Variants in EXOC4 observed in about 807,000 individuals in gnomAD.
EXOC4 encodes the protein exocyst complex component 4, also known as SEC8-like 1.
A neutral mutation model predicts 107.2 loss-of-function variants in EXOC4; 71 were observed. The observed-to-expected ratio is 0.66, with a 90% confidence interval of 0.55 to 0.81. The LOEUF is 0.81. Among genes scored for constraint, EXOC4 ranks in the 30% least tolerant of loss-of-function variants. The pLI, the probability that EXOC4 is intolerant of heterozygous loss-of-function variation, is 0.00. For synonymous variants in EXOC4, 456 were observed against 441.2 expected (o/e 1.03, Z -0.42); for missense variants, 1,108 against 1,189.6 (o/e 0.93, Z 1.01).
intron 10 of EXOC4, among the ~76,000 whole-genome samples, chr7:133,729,616 G>A (rs1368922831): frequency 6.6e-6 from 1 of 152,128 alleles, no homozygotes; most frequent in Non-Finnish European, 1.5e-5. Context: ...ATGACTGGAA[G>A]GGAGTGCTTA....
At chr7:133,437,965 C>CT (rs1335167704) in intron 7 of EXOC4, among the ~76,000 whole-genome samples, 1 of 152,264 alleles carries the variant, frequency 6.6e-6, no homozygotes, top group Non-Finnish European at 1.5e-5. Context: ...CTTTGTCCCG[C>CT]TTTTTGGTAA....
chr7:133,941,852 G>T (rs1019212071), intron 14 of EXOC4, among the ~76,000 whole-genome samples: 16 of 44,252 alleles, frequency 3.6e-4, no homozygotes, highest in Admixed American at 6.0e-4. Flanking sequence ...TCTCTCTCTC[G>T]GATCTAAGTT....
chr7:133,300,281 C>CAT (rs903262156), intron 3 of EXOC4, among the ~76,000 whole-genome samples: 13 of 152,316 alleles, frequency 8.5e-5, no homozygotes, highest in Non-Finnish European at 1.5e-5. Flanking sequence ...CTTTGGAACT[C>CAT]TGTCTTCAGT....
At position 133,758,738 on chromosome 7, in the gene EXOC4, G is replaced by A. The variant is rs76897895; in HGVS notation, c.1515-58587G>A. Among the ~76,000 whole-genome samples the A allele has an allele frequency of 2.4e-3, 361 of 152,288 alleles. 5 individuals carry two copies. The highest frequency in any genetic ancestry group is 8.1e-3 in the African/African-American group (338 of 41,556). On this transcript the variant is annotated intron_variant, in intron 10 of 17. Coordinates refer to ENST00000253861, the MANE Select transcript of EXOC4 (RefSeq NM_021807.4). ...TGAAAGTGTGTATGTGTACATCATA[G>A]TTTCATTAATTTTTCTTGCCAGACA... is the stretch of plus-strand genomic sequence containing the variant.
intron 1 of EXOC4, among the ~76,000 whole-genome samples, chr7:133,269,868 A>G (rs1343111558): frequency 6.6e-6 from 1 of 152,218 alleles, no homozygotes; most frequent in East Asian, 1.9e-4. Flanking sequence ...GTTTGAGGTC[A>G]GACTCTGCTC....
chr7:133,608,705 C>T (rs1419031762), intron 9 of EXOC4, among the ~76,000 whole-genome samples: 4 of 151,712 alleles, frequency 2.6e-5, no homozygotes, highest in Non-Finnish European at 4.4e-5. Flanking sequence ...CGTGCCACCA[C>T]GCCCAGCTAA....
chr7:133,879,170 A>G (rs1476959063), intron 11 of EXOC4, among the ~76,000 whole-genome samples: 1 of 152,074 alleles, frequency 6.6e-6, no homozygotes, highest in East Asian at 1.9e-4. Context: ...GTGCAATCAT[A>G]GCTTACCTGG....
At chr7:133,482,304 G>A (rs756268669) in intron 9 of EXOC4, among the ~76,000 whole-genome samples, 17 of 152,052 alleles carry the variant, frequency 1.1e-4, no homozygotes, top group Non-Finnish European at 2.2e-4. Flanking sequence ...GTCGACATCC[G>A]TCAGCACAGT....
At chr7:133,479,911 A>G (rs1357341793) in intron 8 of EXOC4, 139 bp from the exon 9 acceptor site, 4 of 700,696 alleles carry the variant, frequency 5.7e-6, no homozygotes, top group South Asian at 3.6e-5. Context: ...TGGCCCTGTC[A>G]TGGTATAGCC....
At chr7:134,052,118 G>A (rs924479374) in intron 17 of EXOC4, among the ~76,000 whole-genome samples, 2 of 152,224 alleles carry the variant, frequency 1.3e-5, no homozygotes, top group African/African-American at 4.8e-5. Context: ...CCTTTTCATA[G>A]ACACATTGGA....
intron 10 of EXOC4, among the ~76,000 whole-genome samples, chr7:133,798,096 G>A (rs891766171): frequency 2.0e-5 from 3 of 152,004 alleles, no homozygotes; most frequent in Non-Finnish European, 4.4e-5. Flanking sequence ...GACTTTCAGA[G>A]GCCCAAGCAA....
chr7:133,672,389 TAA>T (rs764420077), intron 10 of EXOC4, among the ~76,000 whole-genome samples: 57 of 130,024 alleles, frequency 4.4e-4, no homozygotes, highest in Admixed American at 3.9e-4. Flanking sequence ...AGACTCCGTT[TAA>T]AAAAAAAAAA....
chr7:133,963,605 C>T (rs999222581), intron 14 of EXOC4, among the ~76,000 whole-genome samples: 5 of 152,132 alleles, frequency 3.3e-5, no homozygotes, highest in Admixed American at 6.5e-5. Flanking sequence ...ACTGGTTTTA[C>T]GCTTAAATTA....
chr7:133,636,206 C>T (rs1802706134), intron 10 of EXOC4, among the ~76,000 whole-genome samples: 1 of 143,972 alleles, frequency 6.9e-6, no homozygotes, highest in Non-Finnish European at 1.5e-5. Context: ...AAGAGTAAAG[C>T]AAGCAAGATA....
At position 133,995,947 on chromosome 7, in the gene EXOC4, A is replaced by G. The variant is rs534582254; in HGVS notation, c.2207-1545A>G. Among the ~76,000 whole-genome samples the G allele has an allele frequency of 3.9e-5, 6 of 152,298 alleles. No homozygotes were observed. In the South Asian group the frequency reaches 1.2e-3, roughly 32 times the overall value. On this transcript the variant is annotated intron_variant, in intron 14 of 17. Transcript: ENST00000253861. ...CCTTCTGAGTTAGTGATGCCTCACC[A>G]ATTCCCATGTTCCCTAAGTCCAGAG...
chr7:133,400,631 G>T (rs908556553), intron 7 of EXOC4, among the ~76,000 whole-genome samples: 1 of 152,036 alleles, frequency 6.6e-6, no homozygotes, highest in African/African-American at 2.4e-5. Flanking sequence ...CATCATTTTA[G>T]AAACAAAAGC....
intron 1 of EXOC4, among the ~76,000 whole-genome samples, chr7:133,255,501 A>G (rs1248026926): frequency 6.6e-6 from 1 of 152,074 alleles, no homozygotes; most frequent in African/African-American, 2.4e-5. Flanking sequence ...ATCCTTGACC[A>G]CCTCAGATCA....
chr7:133,718,259 AC>A (rs1331058622), intron 10 of EXOC4, among the ~76,000 whole-genome samples: 3 of 152,154 alleles, frequency 2.0e-5, no homozygotes, highest in Admixed American at 6.5e-5. Flanking sequence ...ATTCCGCCTT[AC>A]CACAGGGCAA....
At position 133,606,842 on chromosome 7, in the gene EXOC4, C is replaced by T. The variant is rs78341591; in HGVS notation, c.1418-23203C>T. On this transcript the variant is annotated intron_variant, in intron 9 of 17. Coordinates refer to ENST00000253861, the MANE Select transcript of EXOC4 (RefSeq NM_021807.4). ...TTTGCTACTGTTTTAAATGGTGGCT[C>T]GTCTCCAGCACATTGGTGTGATAGG... Among the ~76,000 whole-genome samples the T allele has an allele frequency of 9.2e-3, 1,397 of 152,090 alleles. 19 individuals carry two copies. Among genetic ancestry groups the T allele is most frequent in the Non-Finnish European group, 0.011 (765 of 67,996 alleles).
Sources: gnomAD v4.1 joint callset for allele counts (sites outside exome capture counted in the v4.1 genomes callset) on GRCh38, gnomAD v4.1.1 for gene constraint, MANE v1.5 for transcripts, NCBI Gene and HGNC (gene_info 2026-07-23, HGNC 2026-07-21) for gene names.